The following PRUNE2 variants were observed in gnomAD, a reference collection of about 807,000 sequenced individuals.
PRUNE2 encodes the protein prune homolog 2 with BCH domain.
Under a neutral mutation model 252.0 loss-of-function variants are expected in PRUNE2, and 164 were observed. The ratio of observed to expected loss-of-function variants is 0.65; its 90% CI spans 0.57 to 0.74. The LOEUF is 0.74. PRUNE2 is among the 30% of genes least tolerant of loss of function. The pLI is 0.00. For synonymous variants in PRUNE2, 1,292 were observed against 1,350.2 expected (o/e 0.96, Z 0.94); for missense variants, 3,495 against 3,711.0 (o/e 0.94, Z 1.51).
Position 76,846,592 on chromosome 9 carries a change from G to C in PRUNE2, c.431C>G (p.Ser144Cys), listed in dbSNP as rs1466170414. ...AATCTCCTTTAGCACGAGAGAAGAG[G>C]AAGACTCTCGGAACTCAACGTTGGC... is the stretch of plus-strand genomic sequence containing the variant. The part of the protein sequence containing the change: ...SDANVEFRES[S>C]SSLVLKEILQ... Residue 144 changes from serine to cysteine, a missense_variant, in exon 4 of 19, where the codon TCC (serine) becomes TGC (cysteine). Physicochemically the swap from Ser to Cys is moderately radical, Grantham distance 112. Coordinates refer to ENST00000376718, the MANE Select transcript of PRUNE2 (RefSeq NM_015225.3). 4.3e-6 allele frequency: 7 copies of C among 1,613,790 alleles called. No homozygotes were observed. Among genetic ancestry groups the C allele is most frequent in the Admixed American group, 3.3e-5 (2 of 60,024 alleles).
chr9:76,842,761 C>T (rs2059460554), intron 4 of PRUNE2, among the ~76,000 whole-genome samples: 1 of 152,148 alleles, frequency 6.6e-6, no homozygotes, highest in South Asian at 2.1e-4. Context: ...AAATGCAAAT[C>T]AAAACCACAA....
intron 9 of PRUNE2, among the ~76,000 whole-genome samples, chr9:76,659,559 C>T (rs1850493307): frequency 6.6e-6 from 1 of 152,120 alleles, no homozygotes; most frequent in South Asian, 2.1e-4. Flanking sequence ...ATGTTTGTAT[C>T]ACTAGTGTAC....
intron 1 of PRUNE2, among the ~76,000 whole-genome samples, chr9:76,881,021 T>G (rs2133285393): frequency 6.6e-6 from 1 of 151,374 alleles, no homozygotes; most frequent in Admixed American, 6.6e-5. Context: ...AGTGCAGTTG[T>G]GTGGTCTAGA....
intron 6 of PRUNE2, among the ~76,000 whole-genome samples, chr9:76,809,277 A>C (rs1181392890): frequency 1.3e-5 from 2 of 152,230 alleles, no homozygotes; most frequent in East Asian, 3.8e-4. Context: ...ATTGCACTGC[A>C]ATATTTAACC....
chr9:76,743,106 G>A (rs2049793897), intron 6 of PRUNE2, among the ~76,000 whole-genome samples: 2 of 152,152 alleles, frequency 1.3e-5, no homozygotes, highest in Non-Finnish European at 2.9e-5. Flanking sequence ...CCTTCCTGCT[G>A]CCATGTGAAG....
At chr9:76,768,100 C>T (rs1167278333) in intron 6 of PRUNE2, among the ~76,000 whole-genome samples, 3 of 152,190 alleles carry the variant, frequency 2.0e-5, no homozygotes, top group Non-Finnish European at 2.9e-5. Context: ...CATCCCAGCA[C>T]GGCTGCCTGG....
At chr9:76,671,868 C>G (rs549035866) in intron 9 of PRUNE2, among the ~76,000 whole-genome samples, 85 of 151,788 alleles carry the variant, frequency 5.6e-4, no homozygotes, top group African/African-American at 2.0e-3. Flanking sequence ...ATTTTGTCAC[C>G]ACCAGGCCTG....
intron 4 of PRUNE2, among the ~76,000 whole-genome samples, chr9:76,835,656 C>T (rs1301354893): frequency 1.3e-5 from 2 of 152,098 alleles, no homozygotes; most frequent in Non-Finnish European, 2.9e-5. Context: ...AACAGCCCTC[C>T]GTCTTCGTAA....
intron 4 of PRUNE2, among the ~76,000 whole-genome samples, chr9:76,832,385 T>C (rs936248852): frequency 6.6e-6 from 1 of 152,022 alleles, no homozygotes; most frequent in Middle Eastern, 3.2e-3. Context: ...CTAATAAATT[T>C]CAAAAGGTGG....
At chr9:76,883,358 A>T (rs1031040304) in intron 1 of PRUNE2, among the ~76,000 whole-genome samples, 32 of 152,334 alleles carry the variant, frequency 2.1e-4, no homozygotes, top group Non-Finnish European at 4.3e-4. Flanking sequence ...TGAGGGATTG[A>T]TTACTTCTAG....
intron 9 of PRUNE2, among the ~76,000 whole-genome samples, chr9:76,700,868 G>C (rs997084038): frequency 2.6e-5 from 4 of 152,170 alleles, no homozygotes; most frequent in Admixed American, 2.0e-4. Context: ...TATGTAAAGT[G>C]AAATAGCGCA....
intron 9 of PRUNE2, among the ~76,000 whole-genome samples, chr9:76,696,557 C>T (rs762836468): frequency 3.3e-5 from 5 of 152,140 alleles, no homozygotes; most frequent in Non-Finnish European, 7.4e-5. Context: ...TCCCGAGTAG[C>T]TGGGACTACA....
intron 6 of PRUNE2, among the ~76,000 whole-genome samples, chr9:76,802,456 C>T (rs2056629621): frequency 6.6e-6 from 1 of 152,058 alleles, no homozygotes; most frequent in African/African-American, 2.4e-5. Context: ...TTTTACATAC[C>T]CTAACTTCTC....
Position 76,690,494 on chromosome 9 carries a change from G to A in PRUNE2, c.8276+12843C>T, listed in dbSNP as rs12684415. On this transcript the variant is annotated intron_variant, in intron 9 of 18. Transcript: ENST00000376718. ...TGCACCTTGTCCTCTAGCTAGAAAG[G>A]GTGAAGTTAAAAACTCAAGAAAGTA... Among the ~76,000 whole-genome samples, 9 of 152,246 alleles carry A rather than the reference G, an allele frequency of 5.9e-5. No individual in the cohort carries two copies. In the East Asian group the frequency reaches 1.7e-3, roughly 29 times the overall value.
intron 9 of PRUNE2, among the ~76,000 whole-genome samples, chr9:76,681,571 G>A (rs149450050): frequency 1.8e-3 from 281 of 152,242 alleles, no homozygotes; most frequent in Middle Eastern, 6.8e-3. Context: ...ACACTTAAGA[G>A]CTGTGGGATC....
chr9:76,869,568 A>T (rs2061067207), intron 1 of PRUNE2, among the ~76,000 whole-genome samples: 1 of 152,236 alleles, frequency 6.6e-6, no homozygotes, highest in Non-Finnish European at 1.5e-5. Context: ...ATTAAAATAC[A>T]CATTTTATAG....
chr9:76,841,372 A>G (rs2059385848), intron 4 of PRUNE2, among the ~76,000 whole-genome samples: 2 of 152,212 alleles, frequency 1.3e-5, no homozygotes, highest in African/African-American at 2.4e-5. Flanking sequence ...CTGGGTTTCA[A>G]GTGCAAAACT....
At chr9:76,855,560 G>T (rs963494380) in intron 1 of PRUNE2, among the ~76,000 whole-genome samples, 1 of 152,108 alleles carries the variant, frequency 6.6e-6, no homozygotes, top group African/African-American at 2.4e-5. Context: ...AGAGTCAAAC[G>T]CAATAGGTTG....
intron 4 of PRUNE2, 40 bp from the exon 5 acceptor site, chr9:76,826,772 C>T (rs767883734): frequency 6.6e-7 from 1 of 1,513,554 alleles, no homozygotes; most frequent in Non-Finnish European, 8.9e-7. Context: ...AGCTTTCCAG[C>T]CAAGCCAGAA....
Sources: allele counts gnomAD v4.1 joint callset (sites outside exome capture counted in the v4.1 genomes callset), GRCh38; gene constraint gnomAD v4.1.1; transcripts MANE v1.5; gene names NCBI Gene and HGNC (gene_info 2026-07-23, HGNC 2026-07-21).